PDE3A: variants seen among roughly 807,000 people sequenced by gnomAD.
The protein encoded by PDE3A is cGMP-inhibited 3',5'-cyclic phosphodiesterase 3A.
A neutral mutation model predicts 98.3 loss-of-function variants in PDE3A; 43 were observed. That is an observed-to-expected ratio of 0.44 (90% CI 0.34 to 0.56). The LOEUF (loss-of-function observed/expected upper bound fraction) is 0.56. Among genes scored for constraint, PDE3A ranks in the 20% least tolerant of loss-of-function variants. PDE3A has a pLI of 0.01. For missense variants in PDE3A, 1,427 were observed against 1,440.7 expected, an observed-to-expected ratio of 0.99 and a Z score of 0.15; for synonymous variants, 663 against 567.9, an observed-to-expected ratio of 1.17 and a Z score of -2.38.
At chr12:20,468,596 C>T (rs937159373) in intron 1 of PDE3A, among the ~76,000 whole-genome samples, 33 of 152,300 alleles carry the variant, frequency 2.2e-4, no homozygotes, top group Middle Eastern at 3.4e-3. Flanking sequence ...CACTGTGCTT[C>T]CCCTTCTATA....
chr12:20,419,791 G>A (rs536698432), intron 1 of PDE3A, among the ~76,000 whole-genome samples: 3 of 140,630 alleles, frequency 2.1e-5, no homozygotes, highest in South Asian at 4.5e-4. Flanking sequence ...AGGCTGGAGT[G>A]CAGTGGCTGT....
At chr12:20,535,110 G>T (rs1236718633) in intron 1 of PDE3A, among the ~76,000 whole-genome samples, 1 of 152,090 alleles carries the variant, frequency 6.6e-6, no homozygotes, top group East Asian at 1.9e-4. Context: ...ATATAGACAT[G>T]TTCATATAAT....
intron 15 of PDE3A, among the ~76,000 whole-genome samples, chr12:20,675,776 C>T (rs1432232837): frequency 6.6e-6 from 1 of 152,162 alleles, no homozygotes; most frequent in Non-Finnish European, 1.5e-5. Context: ...TATAGCTACT[C>T]TTGCTTTTTT....
chr12:20,455,537 G>A (rs1945139576), intron 1 of PDE3A, among the ~76,000 whole-genome samples: 1 of 152,142 alleles, frequency 6.6e-6, no homozygotes, highest in Non-Finnish European at 1.5e-5. Flanking sequence ...TAGTAGGCAG[G>A]CACCAGATGC....
At chr12:20,563,542 AT>A (rs199659422) in intron 2 of PDE3A, among the ~76,000 whole-genome samples, 1,686 of 152,178 alleles carry the variant, frequency 0.011, 33 homozygotes, top group African/African-American at 0.039. Flanking sequence ...TTTCACTTGC[AT>A]TTCTTCCTCC....
chr12:20,601,774 T>C (rs1052947599), intron 2 of PDE3A, among the ~76,000 whole-genome samples: 24 of 152,070 alleles, frequency 1.6e-4, no homozygotes, highest in Non-Finnish European at 2.9e-4. Flanking sequence ...GCTTTTTTTT[T>C]TGTTTTCTGT....
chr12:20,650,397 T>C, intron 13 of PDE3A, 48 bp from the exon 14 acceptor site: 1 of 1,295,072 alleles, frequency 7.7e-7, no homozygotes, highest in Non-Finnish European at 1.1e-6. Flanking sequence ...CTATTCAACT[T>C]TTGTTTTTAT....
chr12:20,423,790 T>G (rs1944561457), intron 1 of PDE3A, among the ~76,000 whole-genome samples: 1 of 152,150 alleles, frequency 6.6e-6, no homozygotes, highest in African/African-American at 2.4e-5. Context: ...CCTGGTGGTA[T>G]GCAGGGACAG....
chr12:20,386,081 AAATATAT>A lies in PDE3A; in HGVS notation c.960+15840_960+15846del, dbSNP rs1183815401. ...ATATAAATATATATAAAATATATAT[AAATATAT>A]AAATATATATAAATATATATATAAA... On this transcript the variant is annotated intron_variant, in intron 1 of 15. Coordinates refer to ENST00000359062, the MANE Select transcript of PDE3A (RefSeq NM_000921.5). 2.0e-4 allele frequency among the ~76,000 whole-genome samples: 9 copies of A among 44,412 alleles called. No homozygotes were observed. In the East Asian group the frequency reaches 5.7e-3, roughly 28 times the overall value. The allele number at this position is 44,412 out of a possible 152,430, so 29.1% of individuals were successfully genotyped here.
intron 2 of PDE3A, among the ~76,000 whole-genome samples, chr12:20,568,772 A>ATAGAT (rs1264216507): frequency 2.6e-5 from 4 of 152,038 alleles, no homozygotes; most frequent in African/African-American, 9.7e-5. Flanking sequence ...ATTCCCATTA[A>ATAGAT]TAGATATATA....
intron 1 of PDE3A, among the ~76,000 whole-genome samples, chr12:20,499,730 T>A (rs1454023961): frequency 6.6e-6 from 1 of 152,210 alleles, no homozygotes; most frequent in African/African-American, 2.4e-5. Flanking sequence ...TGCACAAGTC[T>A]TAAATGTACG....
intron 1 of PDE3A, among the ~76,000 whole-genome samples, chr12:20,535,578 C>G (rs1302808594): frequency 6.6e-6 from 1 of 152,074 alleles, no homozygotes; most frequent in East Asian, 1.9e-4. Flanking sequence ...AATGCATGAA[C>G]AGTACTTAGT....
chr12:20,522,687 AT>A (rs553294041), intron 1 of PDE3A, among the ~76,000 whole-genome samples: 1 of 152,212 alleles, frequency 6.6e-6, no homozygotes, highest in South Asian at 2.1e-4. Context: ...AACCTCCAGA[AT>A]TTGCTGTTGA....
intron 1 of PDE3A, among the ~76,000 whole-genome samples, chr12:20,493,324 T>C (rs1194692313): frequency 6.6e-6 from 1 of 152,092 alleles, no homozygotes; most frequent in East Asian, 1.9e-4. Flanking sequence ...ATTCAACCAA[T>C]TGTGAATAGA....
intron 15 of PDE3A, among the ~76,000 whole-genome samples, chr12:20,668,485 C>A (rs1433332984): frequency 1.6e-4 from 24 of 152,284 alleles, no homozygotes; most frequent in Admixed American, 1.6e-3. Flanking sequence ...GTTCTCCCAG[C>A]ATGCAGCTGG....
In PDE3A at chr12:20,498,275, C is replaced by CT. The variant is rs201676854; in HGVS notation, c.961-58385_961-58384insT. ...CTTGCAGATTAAAATATACCGCCCA[C>CT]CCCCCCAACTGAAGGAAATGTAGGA... On this transcript the variant is annotated intron_variant, in intron 1 of 15. Transcript: ENST00000359062. Among the ~76,000 whole-genome samples the CT allele has an allele frequency of 6.4e-3, 888 of 139,786 alleles. 7 individuals are homozygous for CT. Among genetic ancestry groups the CT allele is most frequent in the Non-Finnish European group, 0.011 (683 of 60,086 alleles). The allele number at this position is 139,786 out of a possible 152,430, so 91.7% of individuals were successfully genotyped here.
chr12:20,641,935 T>C (rs1163482087), intron 10 of PDE3A, among the ~76,000 whole-genome samples: 2 of 152,128 alleles, frequency 1.3e-5, no homozygotes, highest in Non-Finnish European at 2.9e-5. Context: ...TTGTGATCAC[T>C]TTTATCTAAT....
At position 20,437,848 on chromosome 12, in the gene PDE3A, A is replaced by T. The variant is rs182075489; in HGVS notation, c.960+67604A>T. On this transcript the variant is annotated intron_variant, in intron 1 of 15. Coordinates refer to ENST00000359062, the MANE Select transcript of PDE3A (RefSeq NM_000921.5). ...ACTCATACAGCTTACATTTTATCCT[A>T]GTAGACATGCCTTTGATTGCATAGC... Among the ~76,000 whole-genome samples, 183 of 152,304 alleles carry T rather than the reference A, an allele frequency of 1.2e-3. 1 individual carries two copies. Among genetic ancestry groups the T allele is most frequent in the African/African-American group, 4.3e-3 (177 of 41,562 alleles).
intron 1 of PDE3A, among the ~76,000 whole-genome samples, chr12:20,531,648 T>C (rs915036184): frequency 2.0e-5 from 3 of 152,182 alleles, no homozygotes; most frequent in African/African-American, 7.2e-5. Flanking sequence ...GACTTAAAAC[T>C]TAGTGTGAAA....
Sources: allele counts gnomAD v4.1 joint callset (sites outside exome capture counted in the v4.1 genomes callset), GRCh38; gene constraint gnomAD v4.1.1; transcripts MANE v1.5; gene names NCBI Gene and HGNC (gene_info 2026-07-23, HGNC 2026-07-21).